Variants in TASP1 observed in about 807,000 individuals in gnomAD.
The protein encoded by TASP1 is threonine aspartase 1.
In TASP1, 16 loss-of-function variants were observed where a neutral mutation model predicts 56.6. That is an observed-to-expected ratio of 0.28 (90% confidence interval 0.19 to 0.43). TASP1 has a LOEUF of 0.43. Among genes scored for constraint, TASP1 ranks in the 20% least tolerant of loss-of-function variants. The probability of loss-of-function intolerance (pLI) is 1.00; values close to 1 mark genes in which losing one functional copy is unlikely to be tolerated. For missense variants in TASP1, 393 were observed against 511.6 expected (o/e 0.77, Z 2.24); for synonymous variants, 179 against 184.2 (o/e 0.97, Z 0.23).
At chr20:13,568,405 A>G (rs2046606971) in intron 7 of TASP1, among the ~76,000 whole-genome samples, 1 of 152,186 alleles carries the variant, frequency 6.6e-6, no homozygotes, top group Non-Finnish European at 1.5e-5. Context: ...TTTCAGTGAT[A>G]AAAATAAAAT....
intron 8 of TASP1, among the ~76,000 whole-genome samples, chr20:13,546,804 T>G (rs1473090478): frequency 6.6e-6 from 1 of 152,192 alleles, no homozygotes; most frequent in Non-Finnish European, 1.5e-5. Context: ...TTTTCAACAT[T>G]CATTTCCCTC....
At chr20:13,491,003 T>G (rs192077175) in intron 10 of TASP1, among the ~76,000 whole-genome samples, 53 of 152,310 alleles carry the variant, frequency 3.5e-4, no homozygotes, top group Admixed American at 1.1e-3. Flanking sequence ...CTATTCTCTG[T>G]ATGTTCCTTC....
At chr20:13,635,817 T>A (rs1024821132) in intron 1 of TASP1, among the ~76,000 whole-genome samples, 4 of 152,230 alleles carry the variant, frequency 2.6e-5, no homozygotes, top group African/African-American at 9.6e-5. Context: ...TAGGTCCACC[T>A]CACTCTTGGC....
At chr20:13,586,464 G>C (rs1027833711) in intron 5 of TASP1, among the ~76,000 whole-genome samples, 1 of 152,114 alleles carries the variant, frequency 6.6e-6, no homozygotes, top group Non-Finnish European at 1.5e-5. Flanking sequence ...TTTAGGAACA[G>C]GCAAATTAAT....
the TASP1 span, among the ~76,000 whole-genome samples, chr20:13,348,957 T>A: frequency 6.6e-6 from 1 of 152,198 alleles, no homozygotes; most frequent in Non-Finnish European, 1.5e-5. Context: ...CATGCTGGTA[T>A]TTTTGACAGT....
the TASP1 span, among the ~76,000 whole-genome samples, chr20:13,374,206 A>G: frequency 1.3e-5 from 2 of 152,164 alleles, no homozygotes; most frequent in South Asian, 2.1e-4. Flanking sequence ...GGCTACTTTA[A>G]AGTCTTTATA....
the TASP1 span, among the ~76,000 whole-genome samples, chr20:13,170,845 C>G: frequency 6.6e-6 from 1 of 152,142 alleles, no homozygotes; most frequent in Non-Finnish European, 1.5e-5. Flanking sequence ...GTTTCTCCAG[C>G]CCAAATGTGT....
the TASP1 span, among the ~76,000 whole-genome samples, chr20:13,244,854 T>C: frequency 1.3e-5 from 2 of 152,230 alleles, no homozygotes; most frequent in Non-Finnish European, 2.9e-5. Flanking sequence ...CTGGTGTATA[T>C]GGCATTAATT....
At chr20:13,632,179 A>G (rs949526358) in intron 1 of TASP1, among the ~76,000 whole-genome samples, 5 of 152,032 alleles carry the variant, frequency 3.3e-5, no homozygotes, top group South Asian at 2.1e-4. Flanking sequence ...CCTGGCCAAC[A>G]TGGTAAAACC....
At chr20:13,379,761 G>T in the TASP1 span, among the ~76,000 whole-genome samples, 104 of 152,024 alleles carry the variant, frequency 6.8e-4, 1 homozygote, top group Admixed American at 5.9e-3. Context: ...TTTCTTGGAG[G>T]CTTTGTTTGT....
chr20:13,311,149 A>T, the TASP1 span, among the ~76,000 whole-genome samples: 1 of 152,152 alleles, frequency 6.6e-6, no homozygotes, highest in Non-Finnish European at 1.5e-5. Flanking sequence ...AGCTGAGATC[A>T]TGCCATTGCA....
At chr20:13,587,742 G>A (rs376383927) in intron 4 of TASP1, among the ~76,000 whole-genome samples, 5 of 150,768 alleles carry the variant, frequency 3.3e-5, no homozygotes, top group African/African-American at 1.2e-4. Flanking sequence ...AAAAAACACA[G>A]AAAAAAGGCA....
At chr20:13,473,031 T>G (rs924021199) in intron 11 of TASP1, among the ~76,000 whole-genome samples, 11 of 152,052 alleles carry the variant, frequency 7.2e-5, no homozygotes, top group Non-Finnish European at 1.5e-4. Flanking sequence ...TAAAGACACA[T>G]GCACACATAC....
At chr20:13,229,594 C>T in the TASP1 span, among the ~76,000 whole-genome samples, 296 of 152,246 alleles carry the variant, frequency 1.9e-3, no homozygotes, top group African/African-American at 6.8e-3. Flanking sequence ...GTTTCCATTG[C>T]TTTGCATATT....
the TASP1 span, among the ~76,000 whole-genome samples, chr20:13,362,920 T>A: frequency 6.6e-6 from 1 of 150,874 alleles, no homozygotes; most frequent in Non-Finnish European, 1.5e-5. Flanking sequence ...GCTAAGAGAA[T>A]CTTTTGTTCT....
Position 13,417,478 on chromosome 20 carries a change from T to G in TASP1, c.1140A>C (p.Gly380=). 1 of 1,614,182 alleles carries G rather than the reference T, an allele frequency of 6.2e-7. No homozygotes were observed. Among genetic ancestry groups the G allele is most frequent in the Non-Finnish European group, 8.5e-7 (1 of 1,180,004 alleles). ...CTTTCCCATCCTGGGCTGACATATA[T>G]CCGACACACATGCTCTCCGTCGTGT... ...WSHTTESMCV[G]YMSAQDGKAK... Residue 380 remains glycine, a synonymous_variant, in exon 13 of 14, where the codon GGA becomes GGC. Transcript: ENST00000337743.
At chr20:13,156,746 C>T in the TASP1 span, among the ~76,000 whole-genome samples, 17,100 of 152,048 alleles carry the variant, frequency 0.11, 1,080 homozygotes, top group East Asian at 0.2. Context: ...GTTGGCATGC[C>T]ATAAGCATTC....
chr20:13,301,676 T>C, the TASP1 span, among the ~76,000 whole-genome samples: 1 of 152,062 alleles, frequency 6.6e-6, no homozygotes. Flanking sequence ...CATATAGATT[T>C]GGTTTATAAT....
chr20:13,170,404 G>A, the TASP1 span, among the ~76,000 whole-genome samples: 1 of 152,178 alleles, frequency 6.6e-6, no homozygotes, highest in Admixed American at 6.5e-5. Flanking sequence ...TTTGGAAAAG[G>A]TTGATTCCCA....
Sources: allele counts gnomAD v4.1 joint callset (sites outside exome capture counted in the v4.1 genomes callset), GRCh38; gene constraint gnomAD v4.1.1; transcripts MANE v1.5; gene names NCBI Gene and HGNC (gene_info 2026-07-23, HGNC 2026-07-21).